The following PKIG variants were observed in gnomAD, a reference collection of about 807,000 sequenced individuals.
PKIG encodes the protein protein kinase (cAMP-dependent, catalytic) inhibitor gamma.
In PKIG, 1 loss-of-function variant was observed where a neutral mutation model predicts 6.8. That is an observed-to-expected ratio of 0.15 (90% CI 0.05 to 0.69). The LOEUF is 0.69. Ranked by LOEUF, PKIG falls within the 30% of genes least tolerant of loss-of-function variation. PKIG has a pLI of 0.82. For missense variants in PKIG, 77 were observed against 104.0 expected (o/e 0.74, Z 1.13); for synonymous variants, 39 against 43.0 (o/e 0.91, Z 0.36).
At position 44,603,160 on chromosome 20, in the gene PKIG, A is replaced by G. The variant is rs575304511; in HGVS notation, c.-23-11374A>G. 2.0e-5 allele frequency among the ~76,000 whole-genome samples: 3 copies of G among 152,294 alleles called. No homozygotes were observed. In the South Asian group the frequency reaches 6.2e-4, roughly 32 times the overall value. On this transcript the variant is annotated intron_variant, in intron 2 of 3. Transcript: ENST00000372886. ...CTTCTGGGGAATTTATATTCTTACC[A>G]CACAACACCATAAAGCACCAAAGAA... is the stretch of plus-strand genomic sequence containing the variant.
At chr20:44,541,814 G>A (rs146552516) in intron 1 of PKIG, among the ~76,000 whole-genome samples, 6,720 of 150,816 alleles carry the variant, frequency 0.045, 198 homozygotes, top group African/African-American at 0.083. Context: ...TCAGCCTCCC[G>A]AGTAGCTGGG....
chr20:44,545,000 A>G (rs958213815), intron 1 of PKIG, among the ~76,000 whole-genome samples: 1 of 132,622 alleles, frequency 7.5e-6, no homozygotes, highest in Non-Finnish European at 1.5e-5. Flanking sequence ...CGGTGGCACA[A>G]TCTTGGTTCA....
intron 2 of PKIG, among the ~76,000 whole-genome samples, chr20:44,594,534 T>C (rs966977172): frequency 4.6e-5 from 7 of 152,226 alleles, no homozygotes; most frequent in African/African-American, 1.7e-4. Flanking sequence ...TTGATATCTC[T>C]GTTTTACAAA....
intron 1 of PKIG, among the ~76,000 whole-genome samples, chr20:44,556,291 A>AT (rs1663968154): frequency 6.6e-6 from 1 of 152,222 alleles, no homozygotes; most frequent in Non-Finnish European, 1.5e-5. Flanking sequence ...ATTATCCCAC[A>AT]TATGTTACAA....
intron 1 of PKIG, among the ~76,000 whole-genome samples, chr20:44,586,139 C>T (rs1032970007): frequency 8.5e-5 from 13 of 152,204 alleles, no homozygotes; most frequent in African/African-American, 3.1e-4. Flanking sequence ...CTGATCACCT[C>T]ACTTTATAGA....
At chr20:44,571,943 G>A (rs890118878) in intron 1 of PKIG, among the ~76,000 whole-genome samples, 8 of 149,428 alleles carry the variant, frequency 5.4e-5, no homozygotes, top group African/African-American at 1.3e-4. Flanking sequence ...TTTAATCATC[G>A]TAGAAACGTT....
chr20:44,554,173 G>T (rs1468010798), intron 1 of PKIG, among the ~76,000 whole-genome samples: 1 of 152,002 alleles, frequency 6.6e-6, no homozygotes, highest in African/African-American at 2.4e-5. Context: ...TGCCTCGCAG[G>T]CTCAAGCAAT....
chr20:44,617,711 C>T (rs566538177), intron 3 of PKIG, among the ~76,000 whole-genome samples: 2 of 152,174 alleles, frequency 1.3e-5, no homozygotes, highest in South Asian at 2.1e-4. Flanking sequence ...CACACCCTGG[C>T]GCTCCCTGAG....
intron 2 of PKIG, among the ~76,000 whole-genome samples, chr20:44,600,691 T>TAA (rs1019608171): frequency 1.4e-5 from 2 of 144,424 alleles, no homozygotes; most frequent in African/African-American, 5.1e-5. Context: ...ACAAAAACAT[T>TAA]AAAAAAAAAA....
At chr20:44,594,293 G>A (rs1196741347) in intron 2 of PKIG, among the ~76,000 whole-genome samples, 1 of 152,122 alleles carries the variant, frequency 6.6e-6, no homozygotes, top group Non-Finnish European at 1.5e-5. Context: ...TCCAATCCCA[G>A]TAGAACCTTA....
chr20:44,616,236 C>T (rs554824143), intron 3 of PKIG, among the ~76,000 whole-genome samples: 5 of 152,238 alleles, frequency 3.3e-5, no homozygotes, highest in South Asian at 2.1e-4. Context: ...CCTCCCAGAC[C>T]GGGGAGGCAC....
At chr20:44,581,875 C>T (rs2064951273), upstream of PKIG, among the ~76,000 whole-genome samples, 1 of 152,114 alleles carries the variant, frequency 6.6e-6, no homozygotes, top group African/African-American at 2.4e-5. Flanking sequence ...TTTATAAGTT[C>T]CCCAGTCACT....
chr20:44,589,328 C>T (rs1162183222), intron 1 of PKIG, among the ~76,000 whole-genome samples: 2 of 151,966 alleles, frequency 1.3e-5, no homozygotes, highest in East Asian at 1.9e-4. Flanking sequence ...AGAGTGAGAC[C>T]TGGTCTCTTA....
intron 2 of PKIG, among the ~76,000 whole-genome samples, chr20:44,607,777 T>C (rs1456287095): frequency 1.3e-5 from 2 of 148,886 alleles, no homozygotes; most frequent in Non-Finnish European, 3.0e-5. Flanking sequence ...CTCCACCTCC[T>C]GGGTTCACGC....
In PKIG at chr20:44,570,156, A is replaced by C. The variant is rs548071892; in HGVS notation, c.-240-12429A>C. Among the ~76,000 whole-genome samples, 66 of 152,322 alleles carry C rather than the reference A, an allele frequency of 4.3e-4. No individual in the cohort carries two copies. In the Middle Eastern group the frequency reaches 0.01, roughly 24 times the overall value. On this transcript the variant is annotated intron_variant, in intron 1 of 4. Coordinates refer to the PKIG transcript ENST00000372887. ...GAATGAATCAATAAATATATCAGTA[A>C]CAACAAAACATGGACTGTGAGCCAG...
intron 2 of PKIG, among the ~76,000 whole-genome samples, chr20:44,613,864 C>T (rs2065240644): frequency 6.6e-6 from 1 of 152,202 alleles, no homozygotes; most frequent in Admixed American, 6.5e-5. Context: ...GGTCTGGCTC[C>T]TGCCTACCTC....
chr20:44,543,401 A>G (rs1159193428), intron 1 of PKIG, among the ~76,000 whole-genome samples: 2 of 151,908 alleles, frequency 1.3e-5, no homozygotes, highest in East Asian at 3.9e-4. Flanking sequence ...TAAGTTCTTT[A>G]TCAGGCCTCG....
chr20:44,616,340 G>C (rs111783550), intron 3 of PKIG, among the ~76,000 whole-genome samples: 1 of 152,064 alleles, frequency 6.6e-6, no homozygotes, highest in African/African-American at 2.4e-5. Flanking sequence ...TTGTGCCCTC[G>C]GTGCCTGGTG....
intron 3 of PKIG, among the ~76,000 whole-genome samples, chr20:44,617,786 T>C (rs1199286159): frequency 6.6e-6 from 1 of 152,088 alleles, no homozygotes; most frequent in Non-Finnish European, 1.5e-5. Flanking sequence ...GGCTCACACC[T>C]ATAATCCCAG....
Sources: gnomAD v4.1 joint callset for allele counts (sites outside exome capture counted in the v4.1 genomes callset) on GRCh38, gnomAD v4.1.1 for gene constraint, MANE v1.5 for transcripts, NCBI Gene and HGNC (gene_info 2026-07-23, HGNC 2026-07-21) for gene names.